SPAG9: variants seen among roughly 807,000 people sequenced by gnomAD.
SPAG9 encodes sperm associated antigen 9, also known as C-Jun-amino-terminal kinase-interacting protein 4.
Under a neutral mutation model 166.5 loss-of-function variants are expected in SPAG9, and 35 were observed. The ratio of observed to expected loss-of-function variants is 0.21; its 90% confidence interval spans 0.16 to 0.28. The LOEUF is 0.28. SPAG9 is among the 10% of genes least tolerant of loss of function. The pLI is 1.00. For missense variants in SPAG9, 1,235 were observed against 1,603.3 expected, an observed-to-expected ratio of 0.77 and a Z score of 3.92; for synonymous variants, 534 against 565.5, an observed-to-expected ratio of 0.94 and a Z score of 0.79.
At chr17:50,981,474 A>G (rs1974601019) in intron 25 of SPAG9, among the ~76,000 whole-genome samples, 1 of 149,070 alleles carries the variant, frequency 6.7e-6, no homozygotes, top group African/African-American at 2.5e-5. Flanking sequence ...ATAAACAGAT[A>G]CACAGATAAA....
At chr17:50,991,486 C>T (rs1264229150) in intron 19 of SPAG9, among the ~76,000 whole-genome samples, 4 of 151,822 alleles carry the variant, frequency 2.6e-5, no homozygotes, top group Admixed American at 2.6e-4. Context: ...TTATATCACA[C>T]TAAAAACTTT....
At chr17:51,112,231 A>G (rs986630147) in intron 1 of SPAG9, among the ~76,000 whole-genome samples, 11 of 151,926 alleles carry the variant, frequency 7.2e-5, no homozygotes. Context: ...CAGTGTGAAC[A>G]TTATTCGAAT....
rs115395746 is a variant in SPAG9 at position 51,055,524 on chromosome 17, C to T, written c.495+888G>A. Among the ~76,000 whole-genome samples the T allele has an allele frequency of 4.0e-3, 614 of 151,912 alleles. 6 individuals carry two copies. The highest frequency in any genetic ancestry group is 0.014 in the African/African-American group (575 of 41,412). ...ATTATAGATTATAAAGGTTTTTATA[C>T]TCTTCTAAAGAAAAACAACAACATA... On this transcript the variant is annotated intron_variant, in intron 3 of 29. Coordinates refer to ENST00000262013, the MANE Select transcript of SPAG9 (RefSeq NM_001130528.3).
rs746370783 is a variant in SPAG9 at position 51,089,620 on chromosome 17, TTATATATATATA to T, written c.304-9928_304-9917del. Among the ~76,000 whole-genome samples the T allele has an allele frequency of 5.6e-3, 228 of 40,464 alleles. 7 individuals carry two copies. The highest frequency in any genetic ancestry group is 0.015 in the African/African-American group (150 of 10,072). 26.5% of individuals were successfully genotyped at this position (40,464 alleles called of 152,430 possible). On this transcript the variant is annotated intron_variant, in intron 1 of 29. Coordinates refer to ENST00000262013, the MANE Select transcript of SPAG9 (RefSeq NM_001130528.3). ...TATATGTATATATATACACTTTATT[TTATATATATATA>T]TATATATATATATATATATATATAT... is the stretch of plus-strand genomic sequence containing the variant.
At chr17:50,977,984 G>A (rs1974316286) in intron 26 of SPAG9, among the ~76,000 whole-genome samples, 2 of 152,154 alleles carry the variant, frequency 1.3e-5, no homozygotes, top group Admixed American at 1.3e-4. Flanking sequence ...AAAAATCTTT[G>A]TAAACAAAAT....
intron 5 of SPAG9, among the ~76,000 whole-genome samples, chr17:51,037,736 A>T (rs902764203): frequency 6.7e-5 from 9 of 135,194 alleles, no homozygotes; most frequent in Non-Finnish European, 1.3e-4. Flanking sequence ...ACATTTTTTT[A>T]AAAAAAGGAA....
At chr17:51,037,685 A>ATATATATAGTGTGTGTGTGT in intron 5 of SPAG9, among the ~76,000 whole-genome samples, 4 of 83,510 alleles carry the variant, frequency 4.8e-5, no homozygotes, top group African/African-American at 1.6e-4. Context: ...ATATATATAT[A>ATATATATAGTGTGTGTGTGT]GTGTGTGTGT....
chr17:51,079,314 C>G (rs1364824876), intron 2 of SPAG9, among the ~76,000 whole-genome samples: 1 of 151,992 alleles, frequency 6.6e-6, no homozygotes, highest in Non-Finnish European at 1.5e-5. Flanking sequence ...TCTTGGCTCA[C>G]TGCAGCCTCT....
intron 1 of SPAG9, among the ~76,000 whole-genome samples, chr17:51,112,733 T>C (rs1178559626): frequency 6.9e-6 from 1 of 145,150 alleles, no homozygotes; most frequent in African/African-American, 2.5e-5. Context: ...GAGGATCCAC[T>C]TGAGCCCAGG....
intron 2 of SPAG9, among the ~76,000 whole-genome samples, chr17:51,065,412 C>A (rs982009006): frequency 6.6e-6 from 1 of 152,042 alleles, no homozygotes; most frequent in African/African-American, 2.4e-5. Flanking sequence ...AATTTAATAA[C>A]CTGTTTTTTA....
chr17:51,089,661 T>TATATATATATATATATATAC (rs1426675943), intron 1 of SPAG9, among the ~76,000 whole-genome samples: 3 of 97,886 alleles, frequency 3.1e-5, no homozygotes, highest in African/African-American at 8.1e-5. Context: ...TATATATATA[T>TATATATATATATATATATAC]ATACACATAC....
At chr17:51,053,854 A>ATATATATAT (rs1491529465) in intron 3 of SPAG9, among the ~76,000 whole-genome samples, 11 of 34,444 alleles carry the variant, frequency 3.2e-4, no homozygotes, top group East Asian at 1.3e-3. Context: ...AAAAAAAAAA[A>ATATATATAT]GTATATATAT....
intron 10 of SPAG9, 59 bp from the exon 11 acceptor site, chr17:51,006,296 C>G: frequency 6.5e-7 from 1 of 1,536,566 alleles, no homozygotes. Context: ...CATCTTTCAG[C>G]TATTCCTTTG....
At chr17:51,097,231 G>T (rs138216638) in intron 1 of SPAG9, among the ~76,000 whole-genome samples, 2 of 152,316 alleles carry the variant, frequency 1.3e-5, no homozygotes, top group African/African-American at 2.4e-5. Flanking sequence ...CCTGCTTTAC[G>T]CATCTTTTCA....
chr17:51,067,249 A>C (rs1047481096), intron 2 of SPAG9, among the ~76,000 whole-genome samples: 1 of 152,258 alleles, frequency 6.6e-6, no homozygotes, highest in African/African-American at 2.4e-5. Flanking sequence ...CAATGAACTC[A>C]GCTTACTCAA....
At chr17:51,079,203 TGA>T (rs1249440329) in intron 2 of SPAG9, among the ~76,000 whole-genome samples, 3 of 148,198 alleles carry the variant, frequency 2.0e-5, no homozygotes, top group African/African-American at 7.4e-5. Flanking sequence ...AATTTCAGGA[TGA>T]GTCATTGCAC....
intron 8 of SPAG9, 73 bp from the exon 9 acceptor site, chr17:51,014,426 T>TA: frequency 7.5e-7 from 1 of 1,326,508 alleles, no homozygotes; most frequent in Middle Eastern, 1.9e-4. Context: ...ATGAATACAA[T>TA]AGGCTAAGCT....
intron 2 of SPAG9, among the ~76,000 whole-genome samples, chr17:51,069,214 A>T (rs1183943556): frequency 1.3e-5 from 2 of 151,806 alleles, no homozygotes; most frequent in Non-Finnish European, 2.9e-5. Context: ...TCATCATTAA[A>T]ATATATATAT....
chr17:51,046,027 G>A (rs906591515), intron 4 of SPAG9, among the ~76,000 whole-genome samples: 3 of 152,112 alleles, frequency 2.0e-5, no homozygotes, highest in African/African-American at 2.4e-5. Flanking sequence ...CAGTTCCCAT[G>A]AGCTATTATC....
Sources: gnomAD v4.1 joint callset for allele counts (sites outside exome capture counted in the v4.1 genomes callset) on GRCh38, gnomAD v4.1.1 for gene constraint, MANE v1.5 for transcripts, NCBI Gene and HGNC (gene_info 2026-07-23, HGNC 2026-07-21) for gene names.